Variants in ARHGEF7 observed in about 807,000 individuals in gnomAD.
The protein encoded by ARHGEF7 is PAK-interacting exchange factor beta.
In ARHGEF7, 33 loss-of-function variants were observed where a neutral mutation model predicts 109.8. The ratio of observed to expected loss-of-function variants is 0.30; its 90% CI spans 0.23 to 0.40. The LOEUF is 0.40. Among genes scored for constraint, ARHGEF7 ranks in the 10% least tolerant of loss-of-function variants. The pLI is 1.00. For missense variants in ARHGEF7, 938 were observed against 1,098.5 expected (o/e 0.85, Z 2.07); for synonymous variants, 458 against 424.6 (o/e 1.08, Z -0.97).
chr13:111,273,099 G>A lies in ARHGEF7; in HGVS notation c.1074-715G>A, dbSNP rs2092274962. ...TGCACTGTTTCTATGTCCATACACAGGGACACCTTCCTTCCTTACGTGTTG... is the reference window on the plus strand; with the variant it reads ...TGCACTGTTTCTATGTCCATACACAAGGACACCTTCCTTCCTTACGTGTTG... On this transcript the variant is annotated intron_variant, in intron 9 of 21. Transcript: ENST00000646102. The surrounding 1 kb of genome is among the most constrained non-coding windows in gnomAD (Gnocchi z 4.5). Among the ~76,000 whole-genome samples the A allele has an allele frequency of 1.3e-5, 2 of 152,230 alleles. No homozygotes were observed. Among genetic ancestry groups the A allele is most frequent in the Non-Finnish European group, 2.9e-5 (2 of 68,040 alleles).
intron 5 of ARHGEF7, among the ~76,000 whole-genome samples, chr13:111,221,205 AGATATATATGTC>A (rs2083854849): frequency 3.0e-5 from 2 of 66,112 alleles, no homozygotes; most frequent in African/African-American, 1.3e-4. Context: ...ATATCTATAT[AGATATATATGTC>A]TATATATATC....
chr13:111,118,549 T>A (rs2066959907), intron 1 of ARHGEF7, among the ~76,000 whole-genome samples: 1 of 152,192 alleles, frequency 6.6e-6, no homozygotes. Context: ...TCAGGATGTT[T>A]GGCTGGGCTG....
chr13:111,240,931 C>CA (rs2087660562), intron 6 of ARHGEF7, among the ~76,000 whole-genome samples: 1 of 152,070 alleles, frequency 6.6e-6, no homozygotes, highest in South Asian at 2.1e-4. Context: ...AAACACCTAC[C>CA]GAGATTGGCA....
chr13:111,290,329 A>G (rs560542991), intron 18 of ARHGEF7, among the ~76,000 whole-genome samples: 1 of 152,330 alleles, frequency 6.6e-6, no homozygotes, highest in African/African-American at 2.4e-5. Context: ...AAAAAATAAT[A>G]CAAATAAAAA....
intron 2 of ARHGEF7, among the ~76,000 whole-genome samples, chr13:111,180,742 G>A (rs752985819): frequency 3.3e-5 from 5 of 152,238 alleles, no homozygotes; most frequent in African/African-American, 4.8e-5. Flanking sequence ...ACAAGAGAAT[G>A]AGAGCAGTAC....
At chr13:111,274,204 T>A (rs1195626208) in intron 10 of ARHGEF7, among the ~76,000 whole-genome samples, 2 of 152,172 alleles carry the variant, frequency 1.3e-5, no homozygotes, top group Non-Finnish European at 2.9e-5. Context: ...AGAACTGATT[T>A]TCAGATAGTG....
rs923888919 is a variant in ARHGEF7 at position 111,260,101 on chromosome 13, C to T, written c.951-7447C>T. Among the ~76,000 whole-genome samples, 3 of 152,198 alleles carry T rather than the reference C, an allele frequency of 2.0e-5. No homozygotes were observed. In the East Asian group the frequency reaches 5.8e-4, roughly 29 times the overall value. On this transcript the variant is annotated intron_variant, in intron 8 of 21. Transcript: ENST00000646102. ...AAAGAATCAAAAACAATGAAGCATG[C>T]CTACAAGATGTAGAAAATAGCCCCA...
At chr13:111,190,231 G>A (rs1322050487) in intron 2 of ARHGEF7, among the ~76,000 whole-genome samples, 1 of 152,214 alleles carries the variant, frequency 6.6e-6, no homozygotes, top group Non-Finnish European at 1.5e-5. Flanking sequence ...CCGAAGGCGA[G>A]TAATAGCAAG....
At chr13:111,256,848 G>C (rs1411130294) in intron 8 of ARHGEF7, among the ~76,000 whole-genome samples, 1 of 152,166 alleles carries the variant, frequency 6.6e-6, no homozygotes, top group Non-Finnish European at 1.5e-5. Context: ...GTTGGCTCCT[G>C]TTCTGTCCAG....
chr13:111,205,756 T>C (rs1164269), intron 3 of ARHGEF7, among the ~76,000 whole-genome samples: 152,147 of 152,192 alleles, frequency 1, 76,051 homozygotes, highest in Middle Eastern at 1. Flanking sequence ...AGTTTTGAGC[T>C]GTGACCATGA....
At chr13:111,271,333 C>G (rs958806960) in intron 9 of ARHGEF7, among the ~76,000 whole-genome samples, 1 of 152,144 alleles carries the variant, frequency 6.6e-6, no homozygotes, top group African/African-American at 2.4e-5. Flanking sequence ...CCTCAGTTCC[C>G]CACCCATCTT....
chr13:111,220,501 G>A (rs781198462), intron 5 of ARHGEF7, among the ~76,000 whole-genome samples: 1 of 152,268 alleles, frequency 6.6e-6, no homozygotes, highest in African/African-American at 2.4e-5. Flanking sequence ...AGGAAATTAC[G>A]CTGAAAAGAT....
At chr13:111,211,411 T>A (rs1457726274) in intron 4 of ARHGEF7, among the ~76,000 whole-genome samples, 1 of 152,176 alleles carries the variant, frequency 6.6e-6, no homozygotes, top group Non-Finnish European at 1.5e-5. Context: ...TTTTTTTTCT[T>A]TTTGAGTAGA....
intron 1 of ARHGEF7, among the ~76,000 whole-genome samples, chr13:111,149,443 TATC>T (rs1440545496): frequency 6.6e-6 from 1 of 152,252 alleles, no homozygotes; most frequent in African/African-American, 2.4e-5. Context: ...TAGAGTCAAT[TATC>T]ATTATTTGTG....
intron 8 of ARHGEF7, among the ~76,000 whole-genome samples, chr13:111,256,225 A>G (rs1481441475): frequency 6.6e-6 from 1 of 152,224 alleles, no homozygotes. Flanking sequence ...TTCACTTGGA[A>G]GGCGATGGAG....
intron 1 of ARHGEF7, among the ~76,000 whole-genome samples, chr13:111,129,698 G>A (rs971205568): frequency 2.6e-5 from 4 of 152,204 alleles, no homozygotes; most frequent in African/African-American, 7.2e-5. Context: ...GTATCATCAC[G>A]GCTGAAATCT....
chr13:111,118,836 G>A (rs1379742422), intron 1 of ARHGEF7, among the ~76,000 whole-genome samples: 2 of 152,176 alleles, frequency 1.3e-5, no homozygotes, highest in South Asian at 2.1e-4. Context: ...CAAGGAACTT[G>A]GTTCTTTCTC....
At chr13:111,172,968 G>A (rs937800697) in intron 2 of ARHGEF7, among the ~76,000 whole-genome samples, 1 of 152,186 alleles carries the variant, frequency 6.6e-6, no homozygotes, top group Non-Finnish European at 1.5e-5. Flanking sequence ...CTGGTCCCAA[G>A]CATTTCAGAT....
chr13:111,195,687 C>T (rs931241770), intron 2 of ARHGEF7, among the ~76,000 whole-genome samples: 13 of 152,178 alleles, frequency 8.5e-5, no homozygotes, highest in African/African-American at 7.2e-5. Flanking sequence ...TGGGGCAGTG[C>T]GCCTTCCAGT....
Sources: allele counts gnomAD v4.1 joint callset (sites outside exome capture counted in the v4.1 genomes callset), GRCh38; gene constraint gnomAD v4.1.1; non-coding constraint Gnocchi (gnomAD v3.1); transcripts MANE v1.5; gene names NCBI Gene and HGNC (gene_info 2026-07-23, HGNC 2026-07-21).